Variants in SRCAP observed in about 807,000 individuals in gnomAD.
SRCAP encodes Snf2 related CREBBP activator protein, also known as chromatin remodeling protein SRCAP.
Under a neutral mutation model 263.1 loss-of-function variants are expected in SRCAP, and 46 were observed. The observed-to-expected ratio is 0.17, with a 90% CI of 0.14 to 0.22. The LOEUF (loss-of-function observed/expected upper bound fraction) is 0.22. SRCAP is among the 10% of genes least tolerant of loss of function. SRCAP has a pLI of 1.00. For synonymous variants in SRCAP, 1,813 were observed against 1,662.1 expected (o/e 1.09, Z -2.21); for missense variants, 3,695 against 4,181.9 (o/e 0.88, Z 3.21).
At chr16:30,702,951 G>T (rs763328129) in intron 3 of SRCAP, among the ~76,000 whole-genome samples, 3 of 151,882 alleles carry the variant, frequency 2.0e-5, no homozygotes, top group Non-Finnish European at 2.9e-5. Flanking sequence ...CATTGGCTAT[G>T]CCTGCAGCCC....
At chr16:30,717,016 A>C (rs997066994) in intron 18 of SRCAP, among the ~76,000 whole-genome samples, 1 of 152,210 alleles carries the variant, frequency 6.6e-6, no homozygotes, top group Non-Finnish European at 1.5e-5. Flanking sequence ...GCATGTTGGG[A>C]AAACCTCCAC....
intron 27 of SRCAP, among the ~76,000 whole-genome samples, chr16:30,730,014 C>A (rs1481268755): frequency 6.6e-6 from 1 of 152,158 alleles, no homozygotes; most frequent in East Asian, 1.9e-4. Context: ...GCGATCCTCC[C>A]GCCTCAGCCT....
chr16:30,702,245 C>T (rs966522171), intron 3 of SRCAP, among the ~76,000 whole-genome samples: 19 of 150,678 alleles, frequency 1.3e-4, no homozygotes, highest in Non-Finnish European at 2.2e-4. Flanking sequence ...TGAACCACCG[C>T]GCCTGGCCCA....
At position 30,712,570 on chromosome 16, in the gene SRCAP, A is replaced by G. The variant is rs1188420806; in HGVS notation, c.1994-109A>G. 2.6e-6 allele frequency: 4 copies of G among 1,545,642 alleles called. No individual in the cohort carries two copies. The African/African-American group carries it at 5.5e-5, about 21-fold the overall frequency. On this transcript the variant is annotated intron_variant, in intron 13 of 33. Transcript: ENST00000262518. The stretch of plus-strand genomic sequence containing the variant: ...ATTAACTGTATAGAGAGGACAGTGT[A>G]GGTGCTAGGATTCCTAGGAAGGGCC...
rs190900080 is a variant in SRCAP, at chr16:30,705,318, G to C, written c.306+1003G>C. 1.5e-3 allele frequency among the ~76,000 whole-genome samples: 228 copies of C among 152,220 alleles called. 7 individuals carry two copies. Among genetic ancestry groups the C allele is most frequent in the African/African-American group, 5.1e-3 (210 of 41,544 alleles). On this transcript the variant is annotated intron_variant, in intron 4 of 33. Coordinates refer to ENST00000262518, the MANE Select transcript of SRCAP (RefSeq NM_006662.3). ...GTCTCAAAAAAAAATGCAAATTCTTGGTACCTCTCACCCACCGACCCATTT... is the reference window on the plus strand; with the variant it reads ...GTCTCAAAAAAAAATGCAAATTCTTCGTACCTCTCACCCACCGACCCATTT...
rs1177621589 is a variant in SRCAP, at chr16:30,704,069, G to A, written c.60G>A (p.Val20=). The A allele has an allele frequency of 6.2e-7, 1 of 1,612,670 alleles. No homozygotes were observed. Among genetic ancestry groups the A allele is most frequent in the African/African-American group, 1.3e-5 (1 of 74,890 alleles). ...PQLPVLQTQM[V]SDGMTGSNPV... ...ATCATTTTCCTCTTTTCTAGATGGTGTCGGACGGCATGACAGGCAGCAATC... is the reference window on the plus strand; with the variant it reads ...ATCATTTTCCTCTTTTCTAGATGGTATCGGACGGCATGACAGGCAGCAATC... The change falls in exon 4 of 34, where the codon GTG becomes GTA. Residue 20 remains valine (V), a synonymous_variant. Transcript: ENST00000262518.
chr16:30,733,806 C>T lies in SRCAP; in HGVS notation c.6494+8C>T, dbSNP rs754852963. 1.2e-6 allele frequency: 2 copies of T among 1,611,978 alleles called. No individual in the cohort carries two copies. The highest frequency in any genetic ancestry group is 1.1e-5 in the South Asian group (1 of 90,944). Reference sequence around the variant, plus strand: ...GGATGTCCACATATATAGGTATTGCCTAGTCTTCCCTCACCTTACTTTCCG... The same window carrying T: ...GGATGTCCACATATATAGGTATTGCTTAGTCTTCCCTCACCTTACTTTCCG... On this transcript the variant is annotated splice_region_variant and intron_variant, in intron 29 of 33. Coordinates refer to ENST00000262518, the MANE Select transcript of SRCAP (RefSeq NM_006662.3). The surrounding 1 kb of genome is among the most constrained non-coding windows in gnomAD (Gnocchi z 5.3).
rs188432614 is a variant in SRCAP, at chr16:30,700,698, G to C, written c.-127G>C. On this transcript the variant is annotated 5_prime_UTR_variant, in exon 3 of 34. Transcript: ENST00000262518. ...CCCTGGAAGGCGGGTCCCGGTGGCC[G>C]GTGGCCCAGAATGAGGCCAGCTCCC... 2 of 878,912 alleles carry C rather than the reference G, an allele frequency of 2.3e-6. No homozygotes were observed. The highest frequency in any genetic ancestry group is 2.8e-5 in the East Asian group (1 of 36,154). 54.4% of individuals were successfully genotyped at this position (878,912 alleles called of 1,614,324 possible).
Position 30,737,795 on chromosome 16 carries a change from G to T in SRCAP, c.7755G>T (p.Leu2585=), listed in dbSNP as rs535779975. 3.1e-6 allele frequency: 5 copies of T among 1,614,178 alleles called. No homozygotes were observed. The South Asian group carries it at 5.5e-5, about 18-fold the overall frequency. ...TTTCTCTTGTGCCCCCTAAAGATCT[G>T]TTGCCAGTTGCTGTGGAGATCCTGC... ...SSLSLVPPKD[L]LPVAVEILPV... The change falls in exon 34 of 34, where the codon CTG becomes CTT. Residue 2585 remains leucine, a synonymous_variant. Coordinates refer to ENST00000262518, the MANE Select transcript of SRCAP (RefSeq NM_006662.3).
chr16:30,709,428 TAAAG>T lies in SRCAP; in HGVS notation c.634-82_634-79del, dbSNP rs1204859169. 8 of 1,454,432 alleles carry T rather than the reference TAAAG, an allele frequency of 5.5e-6. No homozygotes were observed. In the Admixed American group the frequency reaches 1.4e-4, roughly 26 times the overall value. The allele number at this position is 1,454,432 out of a possible 1,614,324, so 90.1% of individuals were successfully genotyped here. On this transcript the variant is annotated intron_variant, in intron 6 of 33. Transcript: ENST00000262518. ...CTAAGAGGCCAGCCCAGGATCTGGTTAAAGAAGGTCTCCCTAAACATCGGGTAAA... is the reference window on the plus strand; with the variant it reads ...CTAAGAGGCCAGCCCAGGATCTGGTTAAGGTCTCCCTAAACATCGGGTAAA...
rs1203968268 is a variant in SRCAP, at chr16:30,724,778, T to C, written c.5354T>C (p.Val1785Ala). ...SSASLLAPAS[V>A]QTLTLSPAPV... is the part of the protein sequence containing the mutation. ...GCTTCACTCCTGGCCCCAGCTTCAG[T>C]GCAGACACTGACCTTGAGCCCTGCC... is the stretch of plus-strand genomic sequence containing the variant. The change falls in exon 25 of 34, where the codon GTG becomes GCG. Residue 1785 changes from valine to alanine, a missense_variant. Physicochemically the swap from Val to Ala is moderately conservative, Grantham distance 64. Coordinates refer to ENST00000262518, the MANE Select transcript of SRCAP (RefSeq NM_006662.3). 7 of 1,613,456 alleles carry C rather than the reference T, an allele frequency of 4.3e-6. No individual in the cohort carries two copies. Among genetic ancestry groups the C allele is most frequent in the Non-Finnish European group, 5.1e-6 (6 of 1,179,738 alleles).
chr16:30,730,470 C>T (rs1425503812), intron 27 of SRCAP, among the ~76,000 whole-genome samples: 6 of 151,996 alleles, frequency 3.9e-5, no homozygotes, highest in Admixed American at 1.3e-4. Context: ...CTCACTCTGT[C>T]GCCCAGGCTG....
intron 31 of SRCAP, 139 bp from the exon 32 acceptor site, chr16:30,736,061 G>C: frequency 1.1e-6 from 1 of 892,540 alleles, no homozygotes. Flanking sequence ...TGGTAACTCT[G>C]GAGGCCTAGG....
chr16:30,734,670 G>C (rs2053142809), intron 31 of SRCAP, 55 bp downstream of exon 31: 1 of 1,610,424 alleles, frequency 6.2e-7, no homozygotes, highest in Admixed American at 1.7e-5. Context: ...AGAATATCTT[G>C]TCTTTTGTTA....
At chr16:30,702,571 CTCCCTCCCTCCCTCCCTTCCCTGCCT>C (rs1397085249) in intron 3 of SRCAP, among the ~76,000 whole-genome samples, 2 of 113,868 alleles carry the variant, frequency 1.8e-5, no homozygotes, top group Admixed American at 1.8e-4. Context: ...CCTCCCTTCC[CTCCCTCCCTCCCTCCCTTCCCTGCCT>C]TCCCTCCCTC....
Position 30,738,471 on chromosome 16 carries a change from G to A in SRCAP, c.8431G>A (p.Ala2811Thr). ...CCCTCCCATTGGTGGGCCCTGTGAAGCTGCTCCTTCATCCTCACTGCCCAC... is the reference window on the plus strand; with the variant it reads ...CCCTCCCATTGGTGGGCCCTGTGAAACTGCTCCTTCATCCTCACTGCCCAC... Reference protein sequence around the residue: ...SSPPIGGPCEAAPSSSLPTPP... With the variant: ...SSPPIGGPCETAPSSSLPTPP... The change falls in exon 34 of 34, where the codon GCT becomes ACT. Residue 2811 changes from alanine (A) to threonine (T), a missense_variant. Physicochemically the swap from Ala to Thr is moderately conservative, Grantham distance 58. Coordinates refer to ENST00000262518, the MANE Select transcript of SRCAP (RefSeq NM_006662.3). 1 of 1,586,500 alleles carries A rather than the reference G, an allele frequency of 6.3e-7. No homozygotes were observed. Among genetic ancestry groups the A allele is most frequent in the Non-Finnish European group, 8.6e-7 (1 of 1,165,926 alleles).
rs148423555 is a variant in SRCAP, at chr16:30,739,376, A to G, written c.9336A>G (p.Ser3112=). 1.2e-6 allele frequency: 2 copies of G among 1,614,090 alleles called. No individual in the cohort carries two copies. Among genetic ancestry groups the G allele is most frequent in the African/African-American group, 2.7e-5 (2 of 74,940 alleles). ...TGGAATTGACACCACCTGTGGTCTC[A>G]CTAACCCCAAAACTGCGCTCGACCC... The part of the protein sequence containing the change: ...GGLELTPPVV[S]LTPKLRSTRL... Residue 3112 remains serine (S), a synonymous_variant, in exon 34 of 34, where the codon TCA becomes TCG. Coordinates refer to ENST00000262518, the MANE Select transcript of SRCAP (RefSeq NM_006662.3).
At chr16:30,736,476 A>G in intron 32 of SRCAP, 65 bp from the exon 33 acceptor site, 1 of 1,611,460 alleles carries the variant, frequency 6.2e-7, no homozygotes, top group Non-Finnish European at 8.5e-7. Flanking sequence ...TGGTGGGAAT[A>G]AATAAGGGTG....
intron 6 of SRCAP, among the ~76,000 whole-genome samples, chr16:30,708,356 G>A (rs1275773429): frequency 2.0e-5 from 3 of 151,990 alleles, no homozygotes; most frequent in South Asian, 2.1e-4. Flanking sequence ...CTACAGGCGC[G>A]TGCTACCACA....
Sources: gnomAD v4.1 joint callset for allele counts (sites outside exome capture counted in the v4.1 genomes callset) on GRCh38, gnomAD v4.1.1 for gene constraint, Gnocchi (gnomAD v3.1) non-coding constraint, MANE v1.5 for transcripts, NCBI Gene and HGNC (gene_info 2026-07-23, HGNC 2026-07-21) for gene names.